The following ROBO2 variants were observed in gnomAD, a reference collection of about 807,000 sequenced individuals.
ROBO2 encodes roundabout guidance receptor 2, also known as roundabout homolog 2.
A neutral mutation model predicts 160.8 loss-of-function variants in ROBO2; 53 were observed. The ratio of observed to expected loss-of-function variants is 0.33; its 90% CI spans 0.26 to 0.41. The LOEUF is 0.41. Ranked by LOEUF, ROBO2 falls within the 10% of genes least tolerant of loss-of-function variation. The pLI is 1.00. For missense variants in ROBO2, 1,577 were observed against 1,722.4 expected (o/e 0.92, Z 1.49); for synonymous variants, 664 against 611.7 (o/e 1.09, Z -1.26).
chr3:77,485,406 C>T (rs1366564600), intron 4 of ROBO2, among the ~76,000 whole-genome samples: 1 of 151,964 alleles, frequency 6.6e-6, no homozygotes, highest in Non-Finnish European at 1.5e-5. Context: ...ATTCCTGTAT[C>T]CTGTATCTTT....
chr3:76,827,832 T>G (rs1053248164), intron 2 of ROBO2, among the ~76,000 whole-genome samples: 7 of 152,160 alleles, frequency 4.6e-5, no homozygotes, highest in Non-Finnish European at 1.0e-4. Flanking sequence ...CTCAGCCTTT[T>G]GAAGTTAAAA....
chr3:77,300,513 T>C (rs1031359587), intron 2 of ROBO2, among the ~76,000 whole-genome samples: 4 of 152,066 alleles, frequency 2.6e-5, no homozygotes, highest in African/African-American at 9.7e-5. Context: ...TATCAGTCTT[T>C]GGAATTTTTA....
chr3:76,487,761 G>A (rs936747184), intron 2 of ROBO2, among the ~76,000 whole-genome samples: 1 of 152,206 alleles, frequency 6.6e-6, no homozygotes, highest in Non-Finnish European at 1.5e-5. Context: ...TCAGGTAGCT[G>A]AAAGAATTAA....
chr3:76,490,354 A>G (rs1280430901), intron 2 of ROBO2, among the ~76,000 whole-genome samples: 1 of 152,220 alleles, frequency 6.6e-6, no homozygotes, highest in Non-Finnish European at 1.5e-5. Context: ...CTGCAGAATG[A>G]ATAGTCTTCT....
intron 2 of ROBO2, among the ~76,000 whole-genome samples, chr3:76,628,019 G>A (rs1220237002): frequency 7.3e-6 from 1 of 137,272 alleles, no homozygotes; most frequent in Non-Finnish European, 1.6e-5. Flanking sequence ...GTAGTTTTAA[G>A]TCCTTTGGCT....
intron 2 of ROBO2, among the ~76,000 whole-genome samples, chr3:76,012,621 C>CT (rs887052557): frequency 2.7e-4 from 40 of 147,998 alleles, no homozygotes; most frequent in East Asian, 1.6e-3. Flanking sequence ...TGACTGGAAG[C>CT]TTTTTTTTTT....
intron 2 of ROBO2, among the ~76,000 whole-genome samples, chr3:76,043,488 G>A (rs904311219): frequency 7.3e-5 from 11 of 151,328 alleles, no homozygotes; most frequent in Non-Finnish European, 1.5e-4. Flanking sequence ...CCTGCTGAGG[G>A]CTGATCCTCT....
At chr3:76,180,608 T>C (rs1218820013) in intron 2 of ROBO2, among the ~76,000 whole-genome samples, 1 of 152,148 alleles carries the variant, frequency 6.6e-6, no homozygotes, top group African/African-American at 2.4e-5. Context: ...TCCAGTCTTT[T>C]GATTCAATAT....
At chr3:76,671,419 G>C (rs2092258918) in intron 2 of ROBO2, among the ~76,000 whole-genome samples, 1 of 152,076 alleles carries the variant, frequency 6.6e-6, no homozygotes, top group African/African-American at 2.4e-5. Context: ...AATACACCCT[G>C]ATTTGAAAAG....
At chr3:76,339,102 T>C (rs1406382557) in intron 2 of ROBO2, among the ~76,000 whole-genome samples, 1 of 152,222 alleles carries the variant, frequency 6.6e-6, no homozygotes, top group African/African-American at 2.4e-5. Context: ...CTTCTATTTA[T>C]GACATTTTAT....
chr3:76,234,785 A>G (rs1704839048), intron 2 of ROBO2, among the ~76,000 whole-genome samples: 1 of 152,146 alleles, frequency 6.6e-6, no homozygotes, highest in Admixed American at 6.5e-5. Flanking sequence ...GGCACAAGTG[A>G]CCCCTTTGTT....
intron 2 of ROBO2, among the ~76,000 whole-genome samples, chr3:76,647,159 C>A (rs2091011446): frequency 2.6e-5 from 4 of 152,118 alleles, no homozygotes; most frequent in African/African-American, 9.7e-5. Flanking sequence ...GGGTGGGACC[C>A]AGATCTCCGT....
intron 2 of ROBO2, among the ~76,000 whole-genome samples, chr3:77,126,697 G>T (rs1560065554): frequency 2.1e-5 from 3 of 141,874 alleles, no homozygotes; most frequent in South Asian, 2.1e-4. Context: ...AATATGGGTG[G>T]ATATATATAT....
chr3:76,722,254 G>T (rs546393233), intron 2 of ROBO2, among the ~76,000 whole-genome samples: 1 of 152,120 alleles, frequency 6.6e-6, no homozygotes, highest in South Asian at 2.1e-4. Flanking sequence ...CCAAGTAGCC[G>T]GGATTACAGG....
chr3:76,083,718 A>T (rs530715679), intron 2 of ROBO2, among the ~76,000 whole-genome samples: 1 of 152,224 alleles, frequency 6.6e-6, no homozygotes, highest in East Asian at 1.9e-4. Flanking sequence ...GGCTTGTTCT[A>T]TGTACTTATT....
chr3:75,926,588 A>G (rs1947301611), intron 1 of ROBO2, among the ~76,000 whole-genome samples: 1 of 152,176 alleles, frequency 6.6e-6, no homozygotes, highest in Non-Finnish European at 1.5e-5. Flanking sequence ...GTGCTCAGGT[A>G]CACTTTCACT....
At chr3:77,409,619 T>C (rs1286836400) in intron 2 of ROBO2, among the ~76,000 whole-genome samples, 1 of 152,120 alleles carries the variant, frequency 6.6e-6, no homozygotes, top group Non-Finnish European at 1.5e-5. Context: ...AGCTGTTTCA[T>C]TTACAGATTC....
chr3:76,302,832 G>A (rs1709431619), intron 2 of ROBO2, among the ~76,000 whole-genome samples: 1 of 152,006 alleles, frequency 6.6e-6, no homozygotes, highest in African/African-American at 2.4e-5. Flanking sequence ...TCTAAGCAAT[G>A]CATGACTGTA....
In ROBO2 at chr3:76,857,402, C is replaced by A. The variant is rs58152154; in HGVS notation, c.110-240612C>A. 7.4e-3 allele frequency among the ~76,000 whole-genome samples: 1,132 copies of A among 152,210 alleles called. 48 individuals are homozygous for A. The East Asian group carries it at 0.12, about 16-fold the overall frequency. On this transcript the variant is annotated intron_variant, in intron 2 of 26. Transcript: ENST00000487694. Reference sequence around the variant, plus strand: ...TTTTTAATTACCTATAAATAACATACTGAAGAAAAATCTAACAGATTAGAA... The same window carrying A: ...TTTTTAATTACCTATAAATAACATAATGAAGAAAAATCTAACAGATTAGAA...
Sources: gnomAD v4.1 joint callset for allele counts (sites outside exome capture counted in the v4.1 genomes callset) on GRCh38, gnomAD v4.1.1 for gene constraint, MANE v1.5 for transcripts, NCBI Gene and HGNC (gene_info 2026-07-23, HGNC 2026-07-21) for gene names.